The following KIAA1217 variants were observed in gnomAD, a reference collection of about 807,000 sequenced individuals.
KIAA1217 encodes KIAA1217, also known as sickle tail protein homolog.
Under a neutral mutation model 163.9 loss-of-function variants are expected in KIAA1217, and 88 were observed. The observed-to-expected ratio is 0.54, with a 90% CI of 0.45 to 0.64. The LOEUF (loss-of-function observed/expected upper bound fraction) is 0.64, where lower values mean the gene tolerates loss of function less well. Among genes scored for constraint, KIAA1217 ranks in the 30% least tolerant of loss-of-function variants. The probability of loss-of-function intolerance (pLI) is 0.00; values close to 1 mark genes in which losing one functional copy is unlikely to be tolerated. For missense variants in KIAA1217, 2,372 were observed against 2,475.0 expected, an observed-to-expected ratio of 0.96 and a Z score of 0.88; for synonymous variants, 903 against 923.1, an observed-to-expected ratio of 0.98 and a Z score of 0.39.
intron 2 of KIAA1217, among the ~76,000 whole-genome samples, chr10:24,240,743 A>G (rs982354341): frequency 6.6e-6 from 1 of 152,112 alleles, no homozygotes; most frequent in African/African-American, 2.4e-5. Flanking sequence ...AATGTTAATG[A>G]TTGTTTTTAT....
chr10:24,171,552 C>T (rs2065627431), intron 2 of KIAA1217, among the ~76,000 whole-genome samples: 1 of 152,168 alleles, frequency 6.6e-6, no homozygotes, highest in Non-Finnish European at 1.5e-5. Context: ...CGCCTGTAAT[C>T]CCAGCACTTT....
At chr10:24,359,618 G>A (rs191393058) in intron 2 of KIAA1217, among the ~76,000 whole-genome samples, 109 of 152,192 alleles carry the variant, frequency 7.2e-4, no homozygotes, top group African/African-American at 2.3e-3. Flanking sequence ...TGAAGCTTAC[G>A]CCCAGTTCTT....
Position 24,005,868 on chromosome 10 carries a change from G to T in KIAA1217, c.-320-1357G>T, listed in dbSNP as rs144021886. Reference sequence around the variant, plus strand: ...GTGTGCAAAGTTTTATGACGAAGTGGTCACAGAATCAACACTAGAACCTCG... The same window carrying T: ...GTGTGCAAAGTTTTATGACGAAGTGTTCACAGAATCAACACTAGAACCTCG... On this transcript the variant is annotated intron_variant, in intron 1 of 18. Transcript: ENST00000376462. 1.4e-4 allele frequency among the ~76,000 whole-genome samples: 21 copies of T among 152,280 alleles called. No homozygotes were observed. In the East Asian group the frequency reaches 4.1e-3, roughly 29 times the overall value.
At chr10:23,865,294 T>C (rs1840132387) in intron 1 of KIAA1217, among the ~76,000 whole-genome samples, 1 of 152,206 alleles carries the variant, frequency 6.6e-6, no homozygotes, top group African/African-American at 2.4e-5. Flanking sequence ...ATATGGCATC[T>C]TACTATACCT....
At chr10:23,870,692 G>C (rs1840418305) in intron 1 of KIAA1217, among the ~76,000 whole-genome samples, 1 of 152,070 alleles carries the variant, frequency 6.6e-6, no homozygotes, top group Non-Finnish European at 1.5e-5. Flanking sequence ...TCATAAATGG[G>C]AATCCTGAAT....
intron 1 of KIAA1217, among the ~76,000 whole-genome samples, chr10:24,217,899 T>A (rs1334450668): frequency 6.6e-6 from 1 of 152,242 alleles, no homozygotes; most frequent in African/African-American, 2.4e-5. Flanking sequence ...GCATACCTAA[T>A]GTTAGTTCAG....
At chr10:23,750,418 G>A (rs1355824931) in intron 1 of KIAA1217, among the ~76,000 whole-genome samples, 2 of 152,060 alleles carry the variant, frequency 1.3e-5, no homozygotes, top group African/African-American at 4.8e-5. Context: ...TAATGTGTCT[G>A]TTTCAACTGC....
intron 2 of KIAA1217, among the ~76,000 whole-genome samples, chr10:24,151,164 G>A (rs958228727): frequency 5.9e-5 from 9 of 152,090 alleles, no homozygotes; most frequent in Admixed American, 2.6e-4. Context: ...AGGAATGTGC[G>A]CTTCTCCTGT....
intron 2 of KIAA1217, among the ~76,000 whole-genome samples, chr10:24,049,949 C>T (rs1345416320): frequency 6.6e-6 from 1 of 152,186 alleles, no homozygotes; most frequent in Non-Finnish European, 1.5e-5. Context: ...TCCTATTTCT[C>T]CACTTCCTCT....
At chr10:23,871,970 T>C (rs954436658) in intron 1 of KIAA1217, among the ~76,000 whole-genome samples, 1 of 152,064 alleles carries the variant, frequency 6.6e-6, no homozygotes, top group African/African-American at 2.4e-5. Context: ...GCAAATTCCT[T>C]TCTTCCAGCA....
chr10:24,364,714 G>C (rs1029472944), intron 2 of KIAA1217, among the ~76,000 whole-genome samples: 2 of 152,064 alleles, frequency 1.3e-5, no homozygotes, highest in Non-Finnish European at 2.9e-5. Context: ...TCCACAGTTC[G>C]GAGGCTTTGA....
At chr10:24,025,861 C>T (rs11013857) in intron 2 of KIAA1217, among the ~76,000 whole-genome samples, 7,294 of 151,732 alleles carry the variant, frequency 0.048, 197 homozygotes, top group South Asian at 0.09. Context: ...CCTCATCTTC[C>T]GTGACCTTAC....
At chr10:24,377,080 A>T (rs2052606340) in intron 2 of KIAA1217, among the ~76,000 whole-genome samples, 5 of 152,204 alleles carry the variant, frequency 3.3e-5, no homozygotes, top group African/African-American at 9.7e-5. Context: ...CATTGAGCCA[A>T]TGACACCAGA....
chr10:24,074,725 A>C (rs2061312379), intron 2 of KIAA1217, among the ~76,000 whole-genome samples: 1 of 97,760 alleles, frequency 1.0e-5, no homozygotes, highest in Non-Finnish European at 2.0e-5. Flanking sequence ...TTTTTTTGAG[A>C]TAGAGTCTTG....
chr10:24,538,734 T>TTTG (rs1554943318), intron 17 of KIAA1217, among the ~76,000 whole-genome samples: 1 of 131,468 alleles, frequency 7.6e-6, no homozygotes, highest in African/African-American at 3.1e-5. Flanking sequence ...TGTTTTTGGT[T>TTTG]TTTTTTTTTT....
intron 1 of KIAA1217, among the ~76,000 whole-genome samples, chr10:23,865,288 G>A (rs1187600047): frequency 3.3e-5 from 5 of 152,108 alleles, no homozygotes; most frequent in Non-Finnish European, 7.4e-5. Context: ...AATGAAATAT[G>A]GCATCTTACT....
intron 2 of KIAA1217, among the ~76,000 whole-genome samples, chr10:24,014,557 A>G (rs559501405): frequency 1.3e-5 from 2 of 152,274 alleles, no homozygotes; most frequent in African/African-American, 4.8e-5. Context: ...CCAAAGCAGT[A>G]GAGAGAATTT....
At chr10:24,474,208 G>A (rs1468138149) in intron 6 of KIAA1217, 148 bp downstream of exon 6, 20 of 640,566 alleles carry the variant, frequency 3.1e-5, no homozygotes, top group Non-Finnish European at 1.1e-5. Flanking sequence ...ACAGAGTGGT[G>A]TCAAAGCCAC....
intron 1 of KIAA1217, among the ~76,000 whole-genome samples, chr10:23,768,764 A>C (rs570639999): frequency 3.3e-5 from 5 of 152,292 alleles, no homozygotes; most frequent in Non-Finnish European, 7.4e-5. Flanking sequence ...GATGGGTTCA[A>C]GGATTATTGA....
Sources: gnomAD v4.1 joint callset for allele counts (sites outside exome capture counted in the v4.1 genomes callset) on GRCh38, gnomAD v4.1.1 for gene constraint, MANE v1.5 for transcripts, NCBI Gene and HGNC (gene_info 2026-07-23, HGNC 2026-07-21) for gene names.